Variants in PAK4 observed in about 807,000 individuals in gnomAD.
PAK4 encodes the protein p21 (RAC1) activated kinase 4.
In PAK4, 49 loss-of-function variants were observed where a neutral mutation model predicts 53.5. The observed-to-expected ratio is 0.92, with a 90% CI of 0.73 to 1.16. PAK4 has a LOEUF of 1.16. Among genes scored for constraint, PAK4 ranks in the 50% most tolerant of loss-of-function variants. The pLI, the probability that PAK4 is intolerant of heterozygous loss-of-function variation, is 0.00. For synonymous variants in PAK4, 376 were observed against 375.6 expected (o/e 1.00, Z -0.01); for missense variants, 824 against 850.7 (o/e 0.97, Z 0.39).
At chr19:39,151,879 C>T (rs1050777027) in intron 1 of PAK4, among the ~76,000 whole-genome samples, 1 of 152,184 alleles carries the variant, frequency 6.6e-6, no homozygotes, top group African/African-American at 2.4e-5. Flanking sequence ...AGCGATTCTC[C>T]CACCTCAGCC....
intron 1 of PAK4, among the ~76,000 whole-genome samples, chr19:39,153,723 T>C (rs1269949119): frequency 6.6e-6 from 1 of 152,202 alleles, no homozygotes; most frequent in Non-Finnish European, 1.5e-5. Flanking sequence ...ATTACAGGTG[T>C]GAACCACCCC....
chr19:39,147,321 C>G (rs1007803866), intron 1 of PAK4, among the ~76,000 whole-genome samples: 1 of 152,206 alleles, frequency 6.6e-6, no homozygotes, highest in African/African-American at 2.4e-5. Context: ...GGAGGTGCAT[C>G]CGCATTGTGG....
At chr19:39,148,465 G>GTTTTTTTTTTT (rs1568506439) in intron 1 of PAK4, among the ~76,000 whole-genome samples, 18 of 9,116 alleles carry the variant, frequency 2.0e-3, no homozygotes, top group Non-Finnish European at 3.4e-3. Flanking sequence ...AGTTTCTTCT[G>GTTTTTTTTTTT]CTTTTTTTTT....
At chr19:39,159,943 G>T (rs904859765) in intron 1 of PAK4, among the ~76,000 whole-genome samples, 2 of 152,180 alleles carry the variant, frequency 1.3e-5, no homozygotes, top group Non-Finnish European at 2.9e-5. Context: ...CATTGTGGGG[G>T]CTCATGGATT....
intron 1 of PAK4, among the ~76,000 whole-genome samples, chr19:39,165,145 G>A (rs988792668): frequency 4.0e-5 from 6 of 150,134 alleles, no homozygotes; most frequent in Admixed American, 6.7e-5. Context: ...GAATGGGAAC[G>A]GAGGGAGAGG....
At chr19:39,172,695 C>T (rs2074505482) in intron 2 of PAK4, among the ~76,000 whole-genome samples, 1 of 152,168 alleles carries the variant, frequency 6.6e-6, no homozygotes, top group Non-Finnish European at 1.5e-5. Flanking sequence ...GCCCAGGGGG[C>T]AGCAGCCTGG....
rs774189945 is a variant in PAK4, at chr19:39,177,640, A to T, written c.1486-35A>T. ...CCTCCCCAGGACCCACCATCCCCCAACAGCTCAGCCCTGCTGTCCCTTCTC... is the reference window on the plus strand; with the variant it reads ...CCTCCCCAGGACCCACCATCCCCCATCAGCTCAGCCCTGCTGTCCCTTCTC... On this transcript the variant is annotated intron_variant, in intron 7 of 8. Transcript: ENST00000358301. 3.8e-6 allele frequency: 6 copies of T among 1,594,184 alleles called. No individual in the cohort carries two copies. The Admixed American group carries it at 1.0e-4, about 27-fold the overall frequency.
intron 1 of PAK4, chr19:39,152,430 A>T (rs950214482): frequency 2.6e-5 from 4 of 152,194 alleles, no homozygotes; most frequent in Non-Finnish European, 5.9e-5. Context: ...CCCAAAGTGC[A>T]AGAGTAGCGA....
In PAK4 at chr19:39,162,466, C is replaced by T. The variant is rs146531840; in HGVS notation, c.-22-7066C>T. Among the ~76,000 whole-genome samples the T allele has an allele frequency of 5.0e-3, 763 of 152,218 alleles. 6 individuals carry two copies. The highest frequency in any genetic ancestry group is 0.017 in the African/African-American group (721 of 41,524). ...TTTTTGGGGTAGAGACAGGGTCTCA[C>T]TAGGTTGCCCAAGCTGATCTTGAAC... On this transcript the variant is annotated intron_variant, in intron 1 of 8. Transcript: ENST00000358301.
chr19:39,133,462 ACTGAGAGCCTGGGGGACCTGGCCCCGT>A, intron 1 of PAK4, among the ~76,000 whole-genome samples: 1 of 152,216 alleles, frequency 6.6e-6, no homozygotes, highest in South Asian at 2.1e-4. Flanking sequence ...TAGGGAGGAG[ACTGAGAGCCTGGGGGACCTGGCCCCGT>A]CACAGAGCAA....
intron 7 of PAK4, among the ~76,000 whole-genome samples, chr19:39,177,043 A>G (rs371700462): frequency 6.6e-6 from 1 of 151,746 alleles, no homozygotes; most frequent in African/African-American, 2.4e-5. Flanking sequence ...TAATTTTTGT[A>G]TTAGTAGAGA....
At position 39,155,985 on chromosome 19, in the gene PAK4, A is replaced by G. The variant is rs144420731; in HGVS notation, c.-22-13547A>G. On this transcript the variant is annotated intron_variant, in intron 1 of 8. Transcript: ENST00000358301. ...TTCATCCTGGTGAGGCGGCGCCAGC[A>G]TGGCGTTCCACCTTCTTGGCCTCCT... Among the ~76,000 whole-genome samples the G allele has an allele frequency of 6.6e-5, 10 of 152,080 alleles. 1 individual carries two copies. In the East Asian group the frequency reaches 1.8e-3, roughly 27 times the overall value.
At chr19:39,136,148 T>C (rs1481731038) in intron 1 of PAK4, among the ~76,000 whole-genome samples, 1 of 121,672 alleles carries the variant, frequency 8.2e-6, no homozygotes, top group South Asian at 3.0e-4. Flanking sequence ...CTTGTTACCC[T>C]TCTTCCTCGT....
At chr19:39,158,978 C>T (rs899581097) in intron 1 of PAK4, among the ~76,000 whole-genome samples, 1 of 152,188 alleles carries the variant, frequency 6.6e-6, no homozygotes, top group Non-Finnish European at 1.5e-5. Flanking sequence ...ATAACAGCAG[C>T]GAGCCTGCAG....
chr19:39,167,612 T>G (rs1057447623), intron 1 of PAK4, among the ~76,000 whole-genome samples: 1 of 152,130 alleles, frequency 6.6e-6, no homozygotes, highest in African/African-American at 2.4e-5. Flanking sequence ...CTGGGAGCCT[T>G]GGCCAGGCCC....
At chr19:39,144,117 T>TAGATAGATAGACAGAC (rs1241014432) in intron 1 of PAK4, among the ~76,000 whole-genome samples, 2 of 124,458 alleles carry the variant, frequency 1.6e-5, no homozygotes, top group African/African-American at 5.4e-5. Context: ...GATAGATAGA[T>TAGATAGATAGACAGAC]AGACAGACAG....
At chr19:39,130,601 C>T (rs2073690278) in intron 1 of PAK4, among the ~76,000 whole-genome samples, 1 of 151,926 alleles carries the variant, frequency 6.6e-6, no homozygotes, top group African/African-American at 2.4e-5. Flanking sequence ...CTATGCTGTG[C>T]ACCCTGACTG....
intron 1 of PAK4, among the ~76,000 whole-genome samples, chr19:39,133,076 A>G (rs564391999): frequency 6.6e-5 from 10 of 152,164 alleles, no homozygotes; most frequent in Non-Finnish European, 1.3e-4. Context: ...TGGAGCTCCT[A>G]ACCCATCTGA....
chr19:39,175,044 C>A lies in PAK4; in HGVS notation c.1212C>A (p.Thr404=). Residue 404 remains threonine, a synonymous_variant, in exon 5 of 9, where the codon ACC becomes ACA. Transcript: ENST00000358301. The surrounding 1 kb of genome is among the most constrained non-coding windows in gnomAD (Gnocchi z 4.7). ...AGTTCCTGGAAGGAGGCGCCCTCAC[C>A]GACATCGTCACCCACACCAGGTATT... 1 of 1,612,426 alleles carries A rather than the reference C, an allele frequency of 6.2e-7. No homozygotes were observed. Among genetic ancestry groups the A allele is most frequent in the Non-Finnish European group, 8.5e-7 (1 of 1,179,176 alleles).
Sources: allele counts gnomAD v4.1 joint callset (sites outside exome capture counted in the v4.1 genomes callset), GRCh38; gene constraint gnomAD v4.1.1; non-coding constraint Gnocchi (gnomAD v3.1); transcripts MANE v1.5; gene names NCBI Gene and HGNC (gene_info 2026-07-23, HGNC 2026-07-21).